DDAH1: variants seen among roughly 807,000 people sequenced by gnomAD.
DDAH1 encodes the protein N(G),N(G)-dimethylarginine dimethylaminohydrolase 1.
Under a neutral mutation model 28.8 loss-of-function variants are expected in DDAH1, and 19 were observed. That is an observed-to-expected ratio of 0.66 (90% CI 0.46 to 0.97). The LOEUF is 0.97. Ranked by LOEUF, DDAH1 falls within the 50% of genes least tolerant of loss-of-function variation. DDAH1 has a pLI of 0.00. For synonymous variants in DDAH1, 153 were observed against 154.4 expected, an observed-to-expected ratio of 0.99 and a Z score of 0.07; for missense variants, 326 against 375.9, an observed-to-expected ratio of 0.87 and a Z score of 1.10.
chr1:85,572,900 C>T (rs749007712), intron 1 of DDAH1, among the ~76,000 whole-genome samples: 72 of 152,324 alleles, frequency 4.7e-4, no homozygotes, highest in Admixed American at 1.4e-3. Context: ...AGCCAGAATA[C>T]CTGGCTGGAT....
chr1:85,539,032 A>G (rs1242048455), intron 1 of DDAH1, among the ~76,000 whole-genome samples: 1 of 152,124 alleles, frequency 6.6e-6, no homozygotes, highest in Non-Finnish European at 1.5e-5. Context: ...TCCTTTAAAA[A>G]TCTTATCTGC....
chr1:85,507,961 A>T (rs1570621373), intron 1 of DDAH1, among the ~76,000 whole-genome samples: 1 of 152,236 alleles, frequency 6.6e-6, no homozygotes. Flanking sequence ...TTCGATTCAG[A>T]TTAAGCCCTT....
At chr1:85,533,676 C>A (rs2100776526) in intron 1 of DDAH1, among the ~76,000 whole-genome samples, 1 of 152,216 alleles carries the variant, frequency 6.6e-6, no homozygotes, top group South Asian at 2.1e-4. Context: ...AGAACAAAGC[C>A]TTAGAGTCCC....
At chr1:85,415,568 T>C (rs1342095303) in intron 1 of DDAH1, among the ~76,000 whole-genome samples, 2 of 152,118 alleles carry the variant, frequency 1.3e-5, no homozygotes, top group African/African-American at 2.4e-5. Context: ...TACATTGAAA[T>C]ACATCATACA....
chr1:85,386,562 G>A (rs1422435596), intron 1 of DDAH1, among the ~76,000 whole-genome samples: 3 of 152,238 alleles, frequency 2.0e-5, no homozygotes, highest in Non-Finnish European at 2.9e-5. Context: ...CAGCACACAT[G>A]GTTGATCTCA....
intron 1 of DDAH1, among the ~76,000 whole-genome samples, chr1:85,392,000 A>AT (rs1006444283): frequency 4.0e-5 from 6 of 150,902 alleles, no homozygotes; most frequent in African/African-American, 7.3e-5. Context: ...ATTTTTTTTA[A>AT]TTTTTTTTTC....
At chr1:85,509,153 T>C (rs2100748504) in intron 1 of DDAH1, among the ~76,000 whole-genome samples, 1 of 152,300 alleles carries the variant, frequency 6.6e-6, no homozygotes, top group East Asian at 1.9e-4. Flanking sequence ...TTTGCTGTTC[T>C]GCAATATTTG....
In DDAH1 at chr1:85,372,044, G is replaced by A. The variant is rs886802966; in HGVS notation, c.304-13197C>T. Among the ~76,000 whole-genome samples the A allele has an allele frequency of 4.0e-5, 6 of 151,812 alleles. No homozygotes were observed. The East Asian group carries it at 5.8e-4, about 15-fold the overall frequency. On this transcript the variant is annotated intron_variant, in intron 1 of 5. Transcript: ENST00000284031. ...CCTTCCTAGTCCTTAGCTTTTTTGT[G>A]TGTTATTAAAGCCTTCATTAGAGAT...
At chr1:85,328,655 T>C (rs1647568555) in intron 4 of DDAH1, among the ~76,000 whole-genome samples, 1 of 152,164 alleles carries the variant, frequency 6.6e-6, no homozygotes, top group Non-Finnish European at 1.5e-5. Flanking sequence ...TCCAGACAAC[T>C]GGGGAGGCAG....
chr1:85,510,758 A>G (rs1015520318), intron 1 of DDAH1, among the ~76,000 whole-genome samples: 2 of 152,240 alleles, frequency 1.3e-5, no homozygotes, highest in African/African-American at 4.8e-5. Flanking sequence ...AAAGAAGGCC[A>G]TTACATAATG....
At chr1:85,568,038 A>AAAAT (rs1279669696) in intron 1 of DDAH1, among the ~76,000 whole-genome samples, 1 of 152,248 alleles carries the variant, frequency 6.6e-6, no homozygotes, top group Non-Finnish European at 1.5e-5. Context: ...TCATACCTGG[A>AAAAT]AAATATCCAA....
chr1:85,493,446 T>A (rs774530637), intron 2 of DDAH1: 1 of 152,186 alleles, frequency 6.6e-6, no homozygotes, highest in Non-Finnish European at 1.5e-5. Flanking sequence ...TGAAGCCAAC[T>A]ATTGAAGTTT....
chr1:85,557,356 G>T (rs72944615), intron 1 of DDAH1, among the ~76,000 whole-genome samples: 8,177 of 152,238 alleles, frequency 0.054, 701 homozygotes, highest in African/African-American at 0.19. Context: ...TATTCTGTGA[G>T]TTCTGCATCA....
At chr1:85,547,275 T>C (rs562442064) in intron 1 of DDAH1, among the ~76,000 whole-genome samples, 1 of 152,168 alleles carries the variant, frequency 6.6e-6, no homozygotes, top group Admixed American at 6.5e-5. Flanking sequence ...AACATGAGAA[T>C]GCACATTGTA....
rs191671320 is a variant in DDAH1 at position 85,329,548 on chromosome 1, G to C, written c.598-4665C>G. ...CCTACTTTAGAATTATTTGAGGACA[G>C]TTTCAATTTTTCATTACTGGGAGGA... On this transcript the variant is annotated intron_variant, in intron 4 of 5. Coordinates refer to ENST00000284031, the MANE Select transcript of DDAH1 (RefSeq NM_012137.4). Among the ~76,000 whole-genome samples, 5 of 152,258 alleles carry C rather than the reference G, an allele frequency of 3.3e-5. No individual in the cohort carries two copies. The East Asian group carries it at 9.6e-4, about 29-fold the overall frequency.
intron 2 of DDAH1, 145 bp from the exon 3 acceptor site, chr1:85,351,724 G>T (rs1047741398): frequency 1.7e-5 from 10 of 605,374 alleles, no homozygotes; most frequent in African/African-American, 7.6e-5. Context: ...TACAAAAAAT[G>T]ATTTCAAACT....
At chr1:85,411,716 A>G (rs967467432) in intron 1 of DDAH1, among the ~76,000 whole-genome samples, 6 of 152,228 alleles carry the variant, frequency 3.9e-5, no homozygotes, top group Admixed American at 1.3e-4. Flanking sequence ...CTGCTGAGCC[A>G]TTTGAAGGTA....
At chr1:85,562,560 A>G (rs1434458961) in intron 1 of DDAH1, among the ~76,000 whole-genome samples, 1 of 152,214 alleles carries the variant, frequency 6.6e-6, no homozygotes, top group East Asian at 1.9e-4. Context: ...ACCTAATCCA[A>G]TGACTGGTAC....
chr1:85,362,072 T>C (rs1439824694), intron 1 of DDAH1, among the ~76,000 whole-genome samples: 1 of 152,214 alleles, frequency 6.6e-6, no homozygotes, highest in Non-Finnish European at 1.5e-5. Context: ...TTGTGTTTTA[T>C]CCCTCCATGA....
Sources: allele counts gnomAD v4.1 joint callset (sites outside exome capture counted in the v4.1 genomes callset), GRCh38; gene constraint gnomAD v4.1.1; transcripts MANE v1.5; gene names NCBI Gene and HGNC (gene_info 2026-07-23, HGNC 2026-07-21).